UBE2K: variants seen among roughly 807,000 people sequenced by gnomAD.
UBE2K encodes the protein ubiquitin-conjugating enzyme E2 K.
A neutral mutation model predicts 30.0 loss-of-function variants in UBE2K; 6 were observed. The observed-to-expected ratio is 0.20, with a 90% CI of 0.11 to 0.39. The LOEUF is 0.39. Ranked by LOEUF, UBE2K falls within the 10% of genes least tolerant of loss-of-function variation. UBE2K has a pLI of 1.00. For synonymous variants in UBE2K, 86 were observed against 83.7 expected, an observed-to-expected ratio of 1.03 and a Z score of -0.15; for missense variants, 61 against 241.6, an observed-to-expected ratio of 0.25 and a Z score of 4.96.
At chr4:39,752,330 TTTTTC>T (rs1187606822) in intron 3 of UBE2K, among the ~76,000 whole-genome samples, 12 of 104,360 alleles carry the variant, frequency 1.1e-4, no homozygotes, top group African/African-American at 4.4e-4. Context: ...TTTTTCTTTT[TTTTTC>T]TTTTTTTTTT....
rs541477921 is a variant in UBE2K at position 39,752,016 on chromosome 4, A to G, written c.217-3641A>G. Among the ~76,000 whole-genome samples the G allele has an allele frequency of 4.6e-5, 7 of 152,334 alleles. No individual in the cohort carries two copies. The East Asian group carries it at 5.8e-4, about 13-fold the overall frequency. ...AAACAAAAGGCAAAATACACTTCAC[A>G]TATCTTCAGCTCACTTGACTGAACC... On this transcript the variant is annotated intron_variant, in intron 3 of 6. Coordinates refer to ENST00000261427, the MANE Select transcript of UBE2K (RefSeq NM_005339.5).
chr4:39,760,018 A>G (rs1046703139), intron 4 of UBE2K, among the ~76,000 whole-genome samples: 1 of 151,886 alleles, frequency 6.6e-6, no homozygotes, highest in Non-Finnish European at 1.5e-5. Flanking sequence ...TCTACTAAAA[A>G]TACAAAAATT....
rs551771576 is a variant in UBE2K, at chr4:39,715,467, C to T, written c.63+17077C>T. Among the ~76,000 whole-genome samples, 22 of 152,020 alleles carry T rather than the reference C, an allele frequency of 1.4e-4. No individual in the cohort carries two copies. The East Asian group carries it at 3.7e-3, about 25-fold the overall frequency. Reference sequence around the variant, plus strand: ...GATTATAGGTGTGGGCCACCATGCCCGTCTGCTTTTTTGTATTTTTAGTAG... The same window carrying T: ...GATTATAGGTGTGGGCCACCATGCCTGTCTGCTTTTTTGTATTTTTAGTAG... On this transcript the variant is annotated intron_variant, in intron 1 of 6. Transcript: ENST00000261427.
intron 1 of UBE2K, among the ~76,000 whole-genome samples, chr4:39,731,223 A>G (rs1038973311): frequency 3.0e-5 from 2 of 65,784 alleles, no homozygotes; most frequent in East Asian, 1.3e-3. Flanking sequence ...TGGATATCAG[A>G]AAATTTTAAA....
At chr4:39,698,530 C>T (rs1290762875) in intron 1 of UBE2K, 140 bp downstream of exon 1, 3 of 748,254 alleles carry the variant, frequency 4.0e-6, no homozygotes, top group Middle Eastern at 2.7e-4. Context: ...CAGCAGTGTT[C>T]CCCTCCTCCT....
At chr4:39,717,335 G>A (rs922110890) in intron 1 of UBE2K, among the ~76,000 whole-genome samples, 2 of 151,304 alleles carry the variant, frequency 1.3e-5, no homozygotes, top group African/African-American at 4.9e-5. Flanking sequence ...CCGTGTTCAA[G>A]CAATTCTGCC....
chr4:39,739,358 A>G (rs1475985398), intron 2 of UBE2K, among the ~76,000 whole-genome samples: 2 of 149,264 alleles, frequency 1.3e-5, no homozygotes, highest in Admixed American at 1.3e-4. Flanking sequence ...AAAATCTAAT[A>G]TTCTTGAATA....
chr4:39,717,695 C>A (rs985413922), intron 1 of UBE2K, among the ~76,000 whole-genome samples: 1 of 152,210 alleles, frequency 6.6e-6, no homozygotes, highest in African/African-American at 2.4e-5. Context: ...CTTGGTCTCA[C>A]TGACTTCAAG....
At chr4:39,730,613 C>A (rs1458343166) in intron 1 of UBE2K, among the ~76,000 whole-genome samples, 1 of 151,848 alleles carries the variant, frequency 6.6e-6, no homozygotes, top group Non-Finnish European at 1.5e-5. Flanking sequence ...ACCAAAAATT[C>A]AGCAATTAGC....
chr4:39,701,629 T>A (rs1718016901), intron 1 of UBE2K, among the ~76,000 whole-genome samples: 1 of 152,180 alleles, frequency 6.6e-6, no homozygotes, highest in Non-Finnish European at 1.5e-5. Context: ...TTTAATTAAT[T>A]TAAAAAATCG....
At chr4:39,704,817 C>G (rs1303018243) in intron 1 of UBE2K, among the ~76,000 whole-genome samples, 1 of 150,402 alleles carries the variant, frequency 6.6e-6, no homozygotes, top group African/African-American at 2.4e-5. Flanking sequence ...GCTGGGATTA[C>G]AGACGTGAGC....
At chr4:39,720,520 T>C (rs578169384) in intron 1 of UBE2K, among the ~76,000 whole-genome samples, 1 of 152,254 alleles carries the variant, frequency 6.6e-6, no homozygotes, top group East Asian at 1.9e-4. Context: ...AGTAAGGCAG[T>C]GAGAAATTGA....
chr4:39,768,070 C>T (rs571122151), intron 4 of UBE2K, among the ~76,000 whole-genome samples: 1 of 152,020 alleles, frequency 6.6e-6, no homozygotes, highest in African/African-American at 2.4e-5. Context: ...TATGTATGTG[C>T]CTTTAAACAT....
chr4:39,781,837 T>C lies in UBE2K; in HGVS notation c.*3403T>C, dbSNP rs1204470435. 1.3e-5 allele frequency: 5 copies of C among 397,810 alleles called. No individual in the cohort carries two copies. The highest frequency in any genetic ancestry group is 2.2e-5 in the Non-Finnish European group (5 of 225,520). The allele number at this position is 397,810 out of a possible 1,614,324, so 24.6% of individuals were successfully genotyped here. On this transcript the variant is annotated 3_prime_UTR_variant, in exon 7 of 7. Coordinates refer to ENST00000261427, the MANE Select transcript of UBE2K (RefSeq NM_005339.5). ...AATTCCAGGGTACAAACCATTGATT[T>C]AAAAATTACGTTTCCATTCTTTTTA...
intron 1 of UBE2K, among the ~76,000 whole-genome samples, chr4:39,725,313 G>C (rs184826688): frequency 2.1e-3 from 310 of 144,600 alleles, no homozygotes; most frequent in Non-Finnish European, 3.6e-3. Flanking sequence ...CCGGGAGGCA[G>C]TTTGCAGTGA....
chr4:39,773,398 G>A (rs1459652464), intron 4 of UBE2K, among the ~76,000 whole-genome samples: 1 of 152,014 alleles, frequency 6.6e-6, no homozygotes, highest in African/African-American at 2.4e-5. Flanking sequence ...AACCAGGGAG[G>A]TGGAGGTTCC....
At position 39,719,753 on chromosome 4, in the gene UBE2K, T is replaced by C. The variant is rs1414793210; in HGVS notation, c.64-17667T>C. 2.0e-5 allele frequency among the ~76,000 whole-genome samples: 3 copies of C among 152,376 alleles called. No homozygotes were observed. In the East Asian group the frequency reaches 5.8e-4, roughly 29 times the overall value. ...CTGTTGCTTCTCAGCGAGCTGATAA[T>C]AAAACATTTTATGCTTTTTCTTAAA... On this transcript the variant is annotated intron_variant, in intron 1 of 6. Transcript: ENST00000261427.
Position 39,754,570 on chromosome 4 carries a change from G to A in UBE2K, c.217-1087G>A, listed in dbSNP as rs190109231. The stretch of plus-strand genomic sequence containing the variant: ...CTGTTGCCCAGGCTGTAGTACAGTG[G>A]CACGATCACGGCTTGCTGCAGCTCA... On this transcript the variant is annotated intron_variant, in intron 3 of 6. Coordinates refer to ENST00000261427, the MANE Select transcript of UBE2K (RefSeq NM_005339.5). Among the ~76,000 whole-genome samples the A allele has an allele frequency of 3.3e-5, 5 of 152,200 alleles. No individual in the cohort carries two copies. The East Asian group carries it at 9.6e-4, about 29-fold the overall frequency.
intron 4 of UBE2K, among the ~76,000 whole-genome samples, chr4:39,759,501 C>G (rs898698201): frequency 6.6e-6 from 1 of 152,192 alleles, no homozygotes; most frequent in Non-Finnish European, 1.5e-5. Context: ...CCAGGCTGGT[C>G]TCAAACTCCT....
Sources: allele counts gnomAD v4.1 joint callset (sites outside exome capture counted in the v4.1 genomes callset), GRCh38; gene constraint gnomAD v4.1.1; transcripts MANE v1.5; gene names NCBI Gene and HGNC (gene_info 2026-07-23, HGNC 2026-07-21).